The following ZCCHC2 variants were observed in gnomAD, a reference collection of about 807,000 sequenced individuals.
The protein encoded by ZCCHC2 is zinc finger CCHC domain-containing protein 2.
A neutral mutation model predicts 103.6 loss-of-function variants in ZCCHC2; 39 were observed. The observed-to-expected ratio is 0.38, with a 90% CI of 0.29 to 0.49. The LOEUF (loss-of-function observed/expected upper bound fraction) is 0.49, where lower values mean the gene tolerates loss of function less well. Among genes scored for constraint, ZCCHC2 ranks in the 20% least tolerant of loss-of-function variants. ZCCHC2 has a pLI of 0.96. For synonymous variants in ZCCHC2, 687 were observed against 608.9 expected (o/e 1.13, Z -1.89); for missense variants, 1,483 against 1,491.0 (o/e 0.99, Z 0.09).
intron 1 of ZCCHC2, among the ~76,000 whole-genome samples, chr18:62,539,192 G>A (rs950050486): frequency 6.6e-6 from 1 of 152,140 alleles, no homozygotes; most frequent in Non-Finnish European, 1.5e-5. Context: ...GAACCTTAAT[G>A]GTAAACTCCC....
downstream of ZCCHC2, chr18:62,578,683 T>C (rs188844193): frequency 1.3e-4 from 20 of 152,404 alleles, no homozygotes; most frequent in Non-Finnish European, 2.8e-4. Flanking sequence ...TATTTTGGGG[T>C]TAAGGATCAA....
Position 62,575,338 on chromosome 18 carries a change from A to C in ZCCHC2, c.3257A>C (p.His1086Pro), listed in dbSNP as rs1916793687. ...PQTPYANGLV[H>P]DPVMGSQANY... ...ACTCCATATGCAAATGGACTGGTAC[A>C]TGACCCAGTCATGGGGAGCCAAGCC... The change falls in exon 13 of 14, where the codon CAT becomes CCT. Residue 1086 changes from histidine (H) to proline (P), a missense_variant. By Grantham distance (77) the His-to-Pro change is moderately conservative. This residue lies in a region of ZCCHC2 where 884 missense variants were observed against 907.5 expected (regional missense o/e 0.97). Transcript: ENST00000269499. 1.9e-6 allele frequency: 3 copies of C among 1,613,982 alleles called. No homozygotes were observed. The East Asian group carries it at 6.7e-5, about 36-fold the overall frequency.
intron 8 of ZCCHC2, 79 bp downstream of exon 8, chr18:62,560,723 T>A: frequency 1.8e-6 from 2 of 1,129,488 alleles, no homozygotes; most frequent in Non-Finnish European, 2.6e-6. Context: ...ATTTCTGATG[T>A]ATTTGGCTAT....
chr18:62,523,417 A>C lies in ZCCHC2; in HGVS notation c.-8A>C. The C allele has an allele frequency of 2.1e-6, 2 of 961,694 alleles. No homozygotes were observed. Among genetic ancestry groups the C allele is most frequent in the Non-Finnish European group, 2.5e-6 (2 of 797,242 alleles). 59.6% of individuals were successfully genotyped at this position (961,694 alleles called of 1,614,324 possible). On this transcript the variant is annotated 5_prime_UTR_variant, in exon 1 of 14. An upstream open reading frame in the 5' UTR loses its in-frame stop. Coordinates refer to ENST00000269499, the MANE Select transcript of ZCCHC2 (RefSeq NM_017742.6). Reference sequence around the variant, plus strand: ...CCCGCTCGCATGTCTGCGCCGCCCTAGCCGAGGATGCTGAGGATGAAGCTG... The same window carrying C: ...CCCGCTCGCATGTCTGCGCCGCCCTCGCCGAGGATGCTGAGGATGAAGCTG...
intron 3 of ZCCHC2, among the ~76,000 whole-genome samples, chr18:62,543,389 C>T (rs748799660): frequency 2.0e-5 from 3 of 152,172 alleles, no homozygotes; most frequent in African/African-American, 4.8e-5. Flanking sequence ...ATTCTTCATC[C>T]TCAGCCATCC....
rs919001408 is a variant in ZCCHC2 at position 62,573,741 on chromosome 18, A to C, written c.1976-316A>C. ...TTGCCTGAAGTTTATTAAGGTTAAG[A>C]GTGTCTGATGCTCTTCTCAGTACAA... On this transcript the variant is annotated intron_variant, in intron 12 of 13. Transcript: ENST00000269499. Among the ~76,000 whole-genome samples the C allele has an allele frequency of 9.2e-5, 14 of 152,336 alleles. No homozygotes were observed. In the South Asian group the frequency reaches 2.9e-3, roughly 32 times the overall value.
At chr18:62,537,105 TC>T (rs1220446241) in intron 1 of ZCCHC2, among the ~76,000 whole-genome samples, 12 of 152,168 alleles carry the variant, frequency 7.9e-5, no homozygotes, top group Non-Finnish European at 1.6e-4. Flanking sequence ...CATTCTATCA[TC>T]CCAAACAGAA....
At chr18:62,540,973 A>G (rs1915146351) in intron 2 of ZCCHC2, among the ~76,000 whole-genome samples, 1 of 152,190 alleles carries the variant, frequency 6.6e-6, no homozygotes, top group African/African-American at 2.4e-5. Flanking sequence ...TCTGCTAAGC[A>G]AAACTGGGTT....
At chr18:62,530,977 AT>A (rs1294416068) in intron 1 of ZCCHC2, among the ~76,000 whole-genome samples, 2 of 151,926 alleles carry the variant, frequency 1.3e-5, no homozygotes, top group African/African-American at 4.8e-5. Context: ...AATTAAGAAC[AT>A]TTTTTTACTT....
At chr18:62,567,993 T>C (rs1311948925) in intron 11 of ZCCHC2, among the ~76,000 whole-genome samples, 2 of 149,874 alleles carry the variant, frequency 1.3e-5, no homozygotes, top group Non-Finnish European at 3.0e-5. Flanking sequence ...TGCCCAGTGT[T>C]TCTTCCACCC....
chr18:62,544,210 G>A (rs1317116513), intron 3 of ZCCHC2, among the ~76,000 whole-genome samples: 1 of 152,142 alleles, frequency 6.6e-6, no homozygotes, highest in Admixed American at 6.5e-5. Context: ...CCTACTTAGA[G>A]TCACACACCT....
chr18:62,548,289 T>C (rs1365317934), intron 4 of ZCCHC2, among the ~76,000 whole-genome samples: 2 of 152,174 alleles, frequency 1.3e-5, no homozygotes, highest in Non-Finnish European at 2.9e-5. Flanking sequence ...AGTCTTTCTT[T>C]AGGACTGCAA....
intron 1 of ZCCHC2, chr18:62,524,807 G>GGGGCTCCGCCTCCCGTCTCC (rs1170376578): frequency 1.2e-5 from 2 of 166,826 alleles, no homozygotes; most frequent in Non-Finnish European, 2.6e-5. Context: ...CTGCCTGGCC[G>GGGGCTCCGCCTCCCGTCTCC]GGGCTCCGCC....
intron 5 of ZCCHC2, among the ~76,000 whole-genome samples, chr18:62,552,762 C>T (rs1250195433): frequency 4.0e-5 from 6 of 151,874 alleles, no homozygotes. Flanking sequence ...TGGTGGTGCA[C>T]ACCTGTAGTC....
In ZCCHC2 at chr18:62,523,552, C is replaced by CT. The variant is rs1179401995; in HGVS notation, c.128_129insT (p.Pro45AlafsTer276). 14 of 912,158 alleles carry CT rather than the reference C, an allele frequency of 1.5e-5. No individual in the cohort carries two copies. The highest frequency in any genetic ancestry group is 1.8e-5 in the Non-Finnish European group (14 of 793,676). The allele number at this position is 912,158 out of a possible 1,614,324, so 56.5% of individuals were successfully genotyped here. On this transcript the variant is annotated frameshift_variant, in exon 1 of 14. Coordinates refer to ENST00000269499, the MANE Select transcript of ZCCHC2 (RefSeq NM_017742.6). LOFTEE classifies it high-confidence loss of function. Reference sequence around the variant, plus strand: ...TCGCGCCGCCGCCGCGACTGCCGCCCCCCGCCGCCGCCGCCGCCGCCCGCG... The same window carrying CT: ...TCGCGCCGCCGCCGCGACTGCCGCCCTCCCGCCGCCGCCGCCGCCGCCCGCG...
At chr18:62,565,216 T>C in intron 11 of ZCCHC2, 120 bp downstream of exon 11, 1 of 740,924 alleles carries the variant, frequency 1.3e-6, no homozygotes, top group Non-Finnish European at 2.2e-6. Context: ...TTACCTTGTG[T>C]TGATATGTAC....
At chr18:62,583,097 G>A (rs546624445), downstream of ZCCHC2, among the ~76,000 whole-genome samples, 41 of 152,100 alleles carry the variant, frequency 2.7e-4, no homozygotes, top group Non-Finnish European at 4.7e-4. Context: ...GAGTGAGACC[G>A]TGTCTTTTTT....
At chr18:62,558,633 T>C in intron 6 of ZCCHC2, 54 bp from the exon 7 acceptor site, 1 of 1,081,384 alleles carries the variant, frequency 9.2e-7, no homozygotes, top group African/African-American at 1.6e-5. Flanking sequence ...ATTATATTTG[T>C]TTTCTTTATT....
Position 62,524,062 on chromosome 18 carries a change from C to G in ZCCHC2, c.638C>G (p.Ser213Trp). The G allele has an allele frequency of 6.7e-7, 1 of 1,483,666 alleles. No individual in the cohort carries two copies. The highest frequency in any genetic ancestry group is 8.9e-7 in the Non-Finnish European group (1 of 1,127,144). The allele number at this position is 1,483,666 out of a possible 1,614,324, so 91.9% of individuals were successfully genotyped here. ...KSLRAARGEGSRGGAEDERGE... is the reference protein window; with the variant it reads ...KSLRAARGEGWRGGAEDERGE... The stretch of plus-strand genomic sequence containing the variant: ...CTGCGCGCGGCCCGGGGCGAGGGCT[C>G]GCGGGGCGGCGCGGAGGACGAGCGC... The change falls in exon 1 of 14, where the codon TCG becomes TGG. Residue 213 changes from serine to tryptophan, a missense_variant. Coordinates refer to ENST00000269499, the MANE Select transcript of ZCCHC2 (RefSeq NM_017742.6).
Sources: gnomAD v4.1 joint callset for allele counts (sites outside exome capture counted in the v4.1 genomes callset) on GRCh38, gnomAD v4.1.1 for gene constraint, gnomAD v4.1.1 regional missense constraint, MANE v1.5 for transcripts, NCBI Gene and HGNC (gene_info 2026-07-23, HGNC 2026-07-21) for gene names.